LRRIQ3: variants seen among roughly 807,000 people sequenced by gnomAD.
LRRIQ3 encodes the protein leucine-rich repeat and IQ domain-containing protein 3.
Under a neutral mutation model 59.3 loss-of-function variants are expected in LRRIQ3, and 75 were observed. The observed-to-expected ratio is 1.26, with a 90% confidence interval of 1.05 to 1.53. The LOEUF is 1.53. Ranked by LOEUF, LRRIQ3 falls within the 40% of genes most tolerant of loss-of-function variation. LRRIQ3 has a pLI of 0.00. For missense variants in LRRIQ3, 831 were observed against 710.0 expected (o/e 1.17, Z -1.94); for synonymous variants, 250 against 231.3 (o/e 1.08, Z -0.73).
rs201844941 is a variant in LRRIQ3, at chr1:74,133,189, A to G, written c.707+22544T>C. On this transcript the variant is annotated intron_variant, in intron 4 of 7. Transcript: ENST00000354431. ...ACCACCTCACACCAGTTAGAATGGC[A>G]ATCATTAAAAAGTCAGGAAACAACA... Among the ~76,000 whole-genome samples, 945 of 152,182 alleles carry G rather than the reference A, an allele frequency of 6.2e-3. 40 individuals carry two copies. The highest frequency in any genetic ancestry group is 0.055 in the East Asian group (284 of 5,154).
intron 5 of LRRIQ3, among the ~76,000 whole-genome samples, chr1:74,100,451 A>T (rs1210832831): frequency 6.6e-6 from 1 of 152,202 alleles, no homozygotes; most frequent in Non-Finnish European, 1.5e-5. Flanking sequence ...ATGGATAGGA[A>T]GAATCAATAT....
intron 5 of LRRIQ3, among the ~76,000 whole-genome samples, chr1:74,090,380 T>C (rs894287541): frequency 6.6e-6 from 1 of 151,956 alleles, no homozygotes; most frequent in Non-Finnish European, 1.5e-5. Context: ...GAGAGAACTT[T>C]AAAACTTAAA....
At chr1:74,136,645 T>G (rs573310030) in intron 4 of LRRIQ3, among the ~76,000 whole-genome samples, 28 of 152,126 alleles carry the variant, frequency 1.8e-4, no homozygotes, top group Admixed American at 1.3e-3. Flanking sequence ...TTATCTACCT[T>G]CTTATCCACC....
At chr1:74,113,617 A>G (rs1207559785) in intron 4 of LRRIQ3, among the ~76,000 whole-genome samples, 6 of 152,130 alleles carry the variant, frequency 3.9e-5, no homozygotes, top group Non-Finnish European at 7.4e-5. Context: ...ATAGTATGAC[A>G]TTGTCAAAGT....
intron 5 of LRRIQ3, among the ~76,000 whole-genome samples, chr1:74,105,022 T>C (rs1409440810): frequency 6.6e-6 from 1 of 151,984 alleles, no homozygotes; most frequent in Non-Finnish European, 1.5e-5. Context: ...AAAACAGAGG[T>C]ACCTGAAGGC....
Position 74,026,844 on chromosome 1 carries a change from T to C in LRRIQ3, c.1844A>G (p.Asp615Gly). 6.2e-7 allele frequency: 1 copy of C among 1,608,306 alleles called. No individual in the cohort carries two copies. Among genetic ancestry groups the C allele is most frequent in the Admixed American group, 1.7e-5 (1 of 59,018 alleles). The change falls in exon 8 of 8, where the codon GAC becomes GGC. Residue 615 changes from aspartate (D) to glycine (G), a missense_variant. By Grantham distance (94) the Asp-to-Gly change is moderately conservative. Coordinates refer to ENST00000354431, the MANE Select transcript of LRRIQ3 (RefSeq NM_001105659.2). ...TATCAGTCCATTGGGAACTTTAAAG[T>C]CTAAATTTGTTTTCACAATTGCTAC... is the stretch of plus-strand genomic sequence containing the variant. ...TKVAIVKTNL[D>G]FKVPNGLIK
intron 5 of LRRIQ3, among the ~76,000 whole-genome samples, chr1:74,101,920 G>A (rs981729740): frequency 6.6e-6 from 1 of 152,040 alleles, no homozygotes; most frequent in Non-Finnish European, 1.5e-5. Flanking sequence ...ATGGTGGGGG[G>A]AGCGGGGAGG....
chr1:74,180,541 TTAAA>T, intron 3 of LRRIQ3: 1 of 542,170 alleles, frequency 1.8e-6, no homozygotes, highest in Non-Finnish European at 3.1e-6. Flanking sequence ...GCCATTTCTG[TTAAA>T]TAAGTTCTTT....
intron 4 of LRRIQ3, among the ~76,000 whole-genome samples, chr1:74,153,168 C>T (rs1002740854): frequency 2.6e-5 from 4 of 151,994 alleles, no homozygotes; most frequent in Non-Finnish European, 5.9e-5. Flanking sequence ...GCTGCCTTTA[C>T]GTAGGTTTAG....
At chr1:74,152,909 T>C (rs1043823447) in intron 4 of LRRIQ3, among the ~76,000 whole-genome samples, 1 of 152,186 alleles carries the variant, frequency 6.6e-6, no homozygotes. Context: ...AAAATGGCTT[T>C]CTAATATTGA....
chr1:74,165,057 T>C lies in LRRIQ3; in HGVS notation c.574-9191A>G, dbSNP rs115227413. Among the ~76,000 whole-genome samples, 800 of 151,678 alleles carry C rather than the reference T, an allele frequency of 5.3e-3. 2 individuals are homozygous for C. The highest frequency in any genetic ancestry group is 0.02 in the Middle Eastern group (6 of 294). On this transcript the variant is annotated intron_variant, in intron 3 of 7. Transcript: ENST00000354431. ...GTTATCAATACCACCACAGTCTTGATTACGATAGCTACACGTGTCTAAAAA... is the reference window on the plus strand; with the variant it reads ...GTTATCAATACCACCACAGTCTTGACTACGATAGCTACACGTGTCTAAAAA...
At chr1:74,104,411 T>C (rs1182819876) in intron 5 of LRRIQ3, among the ~76,000 whole-genome samples, 3 of 152,028 alleles carry the variant, frequency 2.0e-5, no homozygotes, top group South Asian at 4.1e-4. Context: ...TTATTCATAA[T>C]TGCCAAGACT....
chr1:74,068,469 A>G (rs1654928273), intron 6 of LRRIQ3, among the ~76,000 whole-genome samples: 1 of 151,506 alleles, frequency 6.6e-6, no homozygotes, highest in South Asian at 2.1e-4. Flanking sequence ...TAATTTTTAC[A>G]TAACTGCATG....
intron 1 of LRRIQ3, among the ~76,000 whole-genome samples, chr1:74,191,985 T>C (rs1039971006): frequency 1.3e-5 from 2 of 152,034 alleles, no homozygotes; most frequent in African/African-American, 2.4e-5. Context: ...AGGAGGGGCA[T>C]ATTTTATCAT....
intron 5 of LRRIQ3, among the ~76,000 whole-genome samples, chr1:74,076,585 G>A (rs775713511): frequency 2.6e-5 from 4 of 151,862 alleles, no homozygotes; most frequent in Admixed American, 2.0e-4. Flanking sequence ...CCATTACTTC[G>A]ACCTGTTCAC....
At chr1:74,152,246 A>G (rs1198558429) in intron 4 of LRRIQ3, among the ~76,000 whole-genome samples, 1 of 152,136 alleles carries the variant, frequency 6.6e-6, no homozygotes, top group Admixed American at 6.5e-5. Context: ...GATTATAATT[A>G]TAAATGAAAA....
chr1:74,108,018 CTT>C (rs1165419358), intron 5 of LRRIQ3, among the ~76,000 whole-genome samples: 1 of 151,638 alleles, frequency 6.6e-6, no homozygotes, highest in African/African-American at 2.4e-5. Context: ...TTTTATATAA[CTT>C]TATACATACT....
intron 2 of LRRIQ3, 189 bp downstream of exon 2, chr1:74,183,247 G>T (rs1374368901): frequency 7.0e-6 from 3 of 428,928 alleles, no homozygotes; most frequent in South Asian, 5.0e-5. Flanking sequence ...CACTATTTAT[G>T]TATTTTCATT....
chr1:74,039,314 A>C (rs773487085), intron 7 of LRRIQ3, among the ~76,000 whole-genome samples: 21 of 152,186 alleles, frequency 1.4e-4, no homozygotes, highest in Non-Finnish European at 2.9e-4. Context: ...TCTCTGAGAA[A>C]TATGGGACTA....
Sources: gnomAD v4.1 joint callset for allele counts (sites outside exome capture counted in the v4.1 genomes callset) on GRCh38, gnomAD v4.1.1 for gene constraint, MANE v1.5 for transcripts, NCBI Gene and HGNC (gene_info 2026-07-23, HGNC 2026-07-21) for gene names.